The following ABCA1 variants were observed in gnomAD, a reference collection of about 807,000 sequenced individuals.
The protein encoded by ABCA1 is ATP binding cassette subfamily A member 1.
A neutral mutation model predicts 262.5 loss-of-function variants in ABCA1; 133 were observed. The observed-to-expected ratio is 0.51, with a 90% CI of 0.44 to 0.59. The LOEUF is 0.59. ABCA1 is among the 20% of genes least tolerant of loss of function. The pLI is 0.00. For synonymous variants in ABCA1, 1,022 were observed against 1,043.5 expected, an observed-to-expected ratio of 0.98 and a Z score of 0.40; for missense variants, 2,452 against 2,777.5, an observed-to-expected ratio of 0.88 and a Z score of 2.63.
At chr9:104,856,701 T>C (rs1379569962) in intron 7 of ABCA1, among the ~76,000 whole-genome samples, 1 of 152,152 alleles carries the variant, frequency 6.6e-6, no homozygotes, top group East Asian at 1.9e-4. Context: ...AGAAGTGAAA[T>C]GGAATGAATG....
chr9:104,855,225 C>G, intron 7 of ABCA1: 3 of 884,170 alleles, frequency 3.4e-6, no homozygotes, highest in Non-Finnish European at 4.1e-6. Flanking sequence ...GAGACAGAGT[C>G]TCACTCTGTC....
intron 48 of ABCA1, 75 bp from the exon 49 acceptor site, chr9:104,785,714 C>T (rs754700504): frequency 1.0e-5 from 16 of 1,589,200 alleles, no homozygotes; most frequent in African/African-American, 1.3e-5. Context: ...CCTGGGAACC[C>T]AACTTGTGCC....
chr9:104,868,216 G>T lies in ABCA1; in HGVS notation c.422-6416C>A, dbSNP rs754185599. Among the ~76,000 whole-genome samples, 63 of 152,106 alleles carry T rather than the reference G, an allele frequency of 4.1e-4. 1 individual carries two copies. The highest frequency in any genetic ancestry group is 8.8e-5 in the Non-Finnish European group (6 of 68,014). On this transcript the variant is annotated intron_variant, in intron 5 of 49. Transcript: ENST00000374736. Reference sequence around the variant, plus strand: ...CTCTACTAAAAATACAAAATTAGCCGGGTGTGGTGGCGCATGCCTGTAATC... The same window carrying T: ...CTCTACTAAAAATACAAAATTAGCCTGGTGTGGTGGCGCATGCCTGTAATC...
chr9:104,784,935 C>T (rs113939977), intron 49 of ABCA1, among the ~76,000 whole-genome samples: 40 of 152,148 alleles, frequency 2.6e-4, no homozygotes, highest in African/African-American at 5.3e-4. Context: ...TGAGCCACCA[C>T]GCCCGGCCAA....
In ABCA1 at chr9:104,786,433, C is replaced by G. The variant is rs747808927; in HGVS notation, c.6309-43G>C. ...GAGGTTTTAGTTTTAGAGAGATTCTCTGTAACCATGAGAACATCACCATGA... is the reference window on the plus strand; with the variant it reads ...GAGGTTTTAGTTTTAGAGAGATTCTGTGTAACCATGAGAACATCACCATGA... On this transcript the variant is annotated intron_variant, in intron 47 of 49. Coordinates refer to ENST00000374736, the MANE Select transcript of ABCA1 (RefSeq NM_005502.4). The G allele has an allele frequency of 1.0e-5, 16 of 1,545,506 alleles. No homozygotes were observed. The East Asian group carries it at 3.6e-4, about 35-fold the overall frequency.
chr9:104,809,437 A>T, intron 30 of ABCA1, 29 bp downstream of exon 30: 1 of 1,603,666 alleles, frequency 6.2e-7, no homozygotes, highest in Non-Finnish European at 8.5e-7. Context: ...AAGCACAAGA[A>T]GCCTGCTTAT....
At chr9:104,921,080 T>C (rs1313151166) in intron 1 of ABCA1, among the ~76,000 whole-genome samples, 1 of 60,352 alleles carries the variant, frequency 1.7e-5, no homozygotes, top group Non-Finnish European at 3.3e-5. Flanking sequence ...AATACTAATA[T>C]TCTATTTACT....
intron 1 of ABCA1, among the ~76,000 whole-genome samples, chr9:104,907,050 T>A (rs1287315754): frequency 6.6e-6 from 1 of 152,202 alleles, no homozygotes; most frequent in Non-Finnish European, 1.5e-5. Context: ...CCTCAGCACC[T>A]GAACATAGAG....
At chr9:104,919,883 T>A (rs140172130) in intron 1 of ABCA1, among the ~76,000 whole-genome samples, 5 of 152,322 alleles carry the variant, frequency 3.3e-5, no homozygotes, top group African/African-American at 1.2e-4. Flanking sequence ...CTCATTCCTT[T>A]CTTCTGTCAT....
chr9:104,862,947 T>A (rs967918806), intron 5 of ABCA1, among the ~76,000 whole-genome samples: 1 of 151,164 alleles, frequency 6.6e-6, no homozygotes, highest in Non-Finnish European at 1.5e-5. Flanking sequence ...AAAACCCAGG[T>A]CTGCCAGGCT....
Position 104,824,588 on chromosome 9 carries a change from A to T in ABCA1, c.2543-10T>A. The T allele has an allele frequency of 6.2e-7, 1 of 1,613,200 alleles. No individual in the cohort carries two copies. The highest frequency in any genetic ancestry group is 8.5e-7 in the Non-Finnish European group (1 of 1,179,960). On this transcript the variant is annotated splice_polypyrimidine_tract_variant and intron_variant, in intron 17 of 49. Transcript: ENST00000374736. ...GGAATTCCGTACTGGCCTGAAAGCAAAGCACAGGTATGAGCCAAGCTCAGC... is the reference window on the plus strand; with the variant it reads ...GGAATTCCGTACTGGCCTGAAAGCATAGCACAGGTATGAGCCAAGCTCAGC...
At chr9:104,925,375 C>CAAAAAAAAAAAAAAAAA (rs576630245) in intron 1 of ABCA1, among the ~76,000 whole-genome samples, 1 of 123,240 alleles carries the variant, frequency 8.1e-6, no homozygotes. Context: ...GACTGCATCT[C>CAAAAAAAAAAAAAAAAA]AAAAAAAAAA....
chr9:104,798,849 A>G (rs537454693), intron 36 of ABCA1, among the ~76,000 whole-genome samples: 9 of 152,326 alleles, frequency 5.9e-5, no homozygotes, highest in Non-Finnish European at 1.0e-4. Flanking sequence ...CACTGTCACA[A>G]TAAAACTAAT....
chr9:104,803,682 A>G (rs1830534821), intron 32 of ABCA1, among the ~76,000 whole-genome samples: 1 of 151,898 alleles, frequency 6.6e-6, no homozygotes. Context: ...AACTCAGCTC[A>G]CTGCAACCTC....
intron 1 of ABCA1, among the ~76,000 whole-genome samples, chr9:104,917,018 G>A (rs985946172): frequency 1.3e-5 from 2 of 152,172 alleles, no homozygotes; most frequent in East Asian, 1.9e-4. Context: ...CCACATTGCT[G>A]GTAGGGGTGC....
At chr9:104,789,388 G>A (rs897831260) in intron 44 of ABCA1, among the ~76,000 whole-genome samples, 2 of 152,184 alleles carry the variant, frequency 1.3e-5, no homozygotes, top group East Asian at 3.9e-4. Flanking sequence ...CGCTAGGCCT[G>A]CTATTCCCAG....
At chr9:104,872,852 T>C (rs1837749501) in intron 5 of ABCA1, among the ~76,000 whole-genome samples, 1 of 152,252 alleles carries the variant, frequency 6.6e-6, no homozygotes, top group Non-Finnish European at 1.5e-5. Flanking sequence ...TCAAAACTTT[T>C]TAAAGGCAGT....
At chr9:104,812,551 C>G (rs772443991) in intron 28 of ABCA1, 23 bp downstream of exon 28, 7 of 1,614,114 alleles carry the variant, frequency 4.3e-6, no homozygotes, top group Non-Finnish European at 5.9e-6. Flanking sequence ...GCCAGAGTCT[C>G]TGGCGAAAAC....
intron 8 of ABCA1, among the ~76,000 whole-genome samples, chr9:104,845,128 A>G (rs1834746645): frequency 6.6e-6 from 1 of 152,234 alleles, no homozygotes; most frequent in Non-Finnish European, 1.5e-5. Context: ...AGCAATATGG[A>G]GAAATTGCTG....
Sources: gnomAD v4.1 joint callset for allele counts (sites outside exome capture counted in the v4.1 genomes callset) on GRCh38, gnomAD v4.1.1 for gene constraint, MANE v1.5 for transcripts, NCBI Gene and HGNC (gene_info 2026-07-23, HGNC 2026-07-21) for gene names.